The following ANKS1B variants were observed in gnomAD, a reference collection of about 807,000 sequenced individuals.
ANKS1B encodes the protein ankyrin repeat and sterile alpha motif domain-containing protein 1B.
ANKS1B carries 36 observed loss-of-function variants against 148.3 expected under a neutral mutation model. That is an observed-to-expected ratio of 0.24 (90% CI 0.19 to 0.32). ANKS1B has a LOEUF of 0.32. Among genes scored for constraint, ANKS1B ranks in the 10% least tolerant of loss-of-function variants. The probability of loss-of-function intolerance (pLI) is 1.00; values close to 1 mark genes in which losing one functional copy is unlikely to be tolerated. For synonymous variants in ANKS1B, 542 were observed against 560.8 expected, an observed-to-expected ratio of 0.97 and a Z score of 0.47; for missense variants, 1,157 against 1,542.6, an observed-to-expected ratio of 0.75 and a Z score of 4.19.
chr12:99,872,253 C>T (rs1814243687), intron 1 of ANKS1B, among the ~76,000 whole-genome samples: 1 of 152,008 alleles, frequency 6.6e-6, no homozygotes, highest in Non-Finnish European at 1.5e-5. Flanking sequence ...TATGTATGTG[C>T]ATGTGTGTGT....
intron 11 of ANKS1B, among the ~76,000 whole-genome samples, chr12:99,417,317 G>T (rs1414068706): frequency 6.6e-6 from 1 of 152,186 alleles, no homozygotes; most frequent in African/African-American, 2.4e-5. Flanking sequence ...TCCCTCCACT[G>T]AACTGCTTTT....
At chr12:99,101,005 A>G (rs766932245) in intron 15 of ANKS1B, among the ~76,000 whole-genome samples, 10 of 152,196 alleles carry the variant, frequency 6.6e-5, no homozygotes, top group Non-Finnish European at 1.5e-4. Context: ...GAAGCAAGAG[A>G]GAGAAGGCAC....
At chr12:99,366,164 G>C (rs1324482398) in intron 12 of ANKS1B, among the ~76,000 whole-genome samples, 1 of 152,186 alleles carries the variant, frequency 6.6e-6, no homozygotes, top group African/African-American at 2.4e-5. Flanking sequence ...AGAAGCACTT[G>C]TGCAAGACTG....
At chr12:99,248,046 T>C (rs948244731) in intron 12 of ANKS1B, among the ~76,000 whole-genome samples, 1 of 152,204 alleles carries the variant, frequency 6.6e-6, no homozygotes, top group African/African-American at 2.4e-5. Context: ...AGGCACTGAA[T>C]GAGGAATTAT....
At chr12:99,063,253 C>T (rs2043030241) in intron 16 of ANKS1B, among the ~76,000 whole-genome samples, 1 of 152,146 alleles carries the variant, frequency 6.6e-6, no homozygotes, top group South Asian at 2.1e-4. Context: ...TAGCTGATAT[C>T]GTCAGGTACT....
chr12:99,497,787 A>G (rs1383904428), intron 10 of ANKS1B, among the ~76,000 whole-genome samples: 1 of 151,924 alleles, frequency 6.6e-6, no homozygotes, highest in Non-Finnish European at 1.5e-5. Context: ...AATTCAATCT[A>G]TAACAGTCCC....
chr12:99,585,440 A>G (rs576272103), intron 9 of ANKS1B, among the ~76,000 whole-genome samples: 3 of 152,252 alleles, frequency 2.0e-5, no homozygotes, highest in Admixed American at 6.5e-5. Context: ...AGCATTGAGT[A>G]TCTGTGACTT....
chr12:99,975,811 A>C (rs918622422), intron 1 of ANKS1B, among the ~76,000 whole-genome samples: 6 of 152,220 alleles, frequency 3.9e-5, no homozygotes, highest in African/African-American at 1.4e-4. Flanking sequence ...CAAAGAACCT[A>C]AAATTGCTAC....
rs141980185 is a variant in ANKS1B, at chr12:98,828,042, A to T, written c.3066+1132T>A. 2.8e-3 allele frequency among the ~76,000 whole-genome samples: 420 copies of T among 152,340 alleles called. 3 individuals are homozygous for T. The highest frequency in any genetic ancestry group is 9.9e-3 in the African/African-American group (410 of 41,584). Reference sequence around the variant, plus strand: ...AAAGACAATACCTAGCAACAGAGAAAGATAAAATTATTCTTATTTCTCCTA... The same window carrying T: ...AAAGACAATACCTAGCAACAGAGAATGATAAAATTATTCTTATTTCTCCTA... On this transcript the variant is annotated intron_variant, in intron 19 of 26. Coordinates refer to ENST00000683438, the MANE Select transcript of ANKS1B (RefSeq NM_001352186.2).
chr12:99,130,396 G>A (rs1433805671), intron 15 of ANKS1B, among the ~76,000 whole-genome samples: 5 of 152,118 alleles, frequency 3.3e-5, no homozygotes, highest in Non-Finnish European at 7.4e-5. Flanking sequence ...TTTGTAAAAG[G>A]AATTTTTACT....
At chr12:98,881,890 G>A (rs1022148322) in intron 17 of ANKS1B, among the ~76,000 whole-genome samples, 5 of 152,076 alleles carry the variant, frequency 3.3e-5, no homozygotes, top group Admixed American at 1.3e-4. Context: ...TATGGAATAA[G>A]TATATACTTC....
intron 14 of ANKS1B, among the ~76,000 whole-genome samples, chr12:99,216,959 C>T (rs560497193): frequency 6.6e-6 from 1 of 152,184 alleles, no homozygotes; most frequent in South Asian, 2.1e-4. Flanking sequence ...TGTCTATTGT[C>T]TGAAATATGG....
At chr12:99,939,306 T>C (rs1224295749) in intron 1 of ANKS1B, among the ~76,000 whole-genome samples, 1 of 152,110 alleles carries the variant, frequency 6.6e-6, no homozygotes, top group Non-Finnish European at 1.5e-5. Flanking sequence ...CCCAGGCTGG[T>C]CTCAAACTCC....
chr12:99,142,718 G>C (rs2071390595), intron 15 of ANKS1B, among the ~76,000 whole-genome samples: 1 of 152,058 alleles, frequency 6.6e-6, no homozygotes, highest in South Asian at 2.1e-4. Context: ...GGAAGTCAAT[G>C]GATTGCATTT....
At chr12:98,871,031 ATTGAG>A (rs2099665542) in intron 17 of ANKS1B, among the ~76,000 whole-genome samples, 2 of 152,168 alleles carry the variant, frequency 1.3e-5, no homozygotes, top group African/African-American at 4.8e-5. Flanking sequence ...ACCTCTTTGA[ATTGAG>A]GTCAGGTCTT....
Position 98,751,561 on chromosome 12 carries a change from T to C in ANKS1B, c.3580-39A>G. The C allele has an allele frequency of 1.2e-6, 2 of 1,600,426 alleles. No individual in the cohort carries two copies. Among genetic ancestry groups the C allele is most frequent in the Non-Finnish European group, 1.7e-6 (2 of 1,169,760 alleles). ...GAGAAAGCATTTGCTACTGGCACAC[T>C]GCAAATTAGAATGGGTCGAATGGCT... On this transcript the variant is annotated intron_variant, in intron 25 of 26. Transcript: ENST00000683438. This position sits in a 1 kb window ranked among gnomAD's most constrained non-coding sequence, Gnocchi z 4.3.
At position 99,767,302 on chromosome 12, in the gene ANKS1B, C is replaced by T. The variant is rs567974987; in HGVS notation, c.1128+5620G>A. On this transcript the variant is annotated intron_variant, in intron 8 of 26. Transcript: ENST00000683438. ...TTCAAACCAAAAGCTTTAGATGCTG[C>T]TTGTGTCAAGAGAAAAAAATACATA... Among the ~76,000 whole-genome samples the T allele has an allele frequency of 6.6e-5, 10 of 152,168 alleles. 1 individual carries two copies. The East Asian group carries it at 1.4e-3, about 21-fold the overall frequency.
At chr12:99,526,234 A>G (rs2096925131) in intron 9 of ANKS1B, among the ~76,000 whole-genome samples, 1 of 152,110 alleles carries the variant, frequency 6.6e-6, no homozygotes, top group South Asian at 2.1e-4. Context: ...ATTGATGTAA[A>G]CCTCTTTCTG....
chr12:99,530,121 G>A (rs572924151), intron 9 of ANKS1B, among the ~76,000 whole-genome samples: 21 of 152,320 alleles, frequency 1.4e-4, no homozygotes, highest in African/African-American at 4.3e-4. Flanking sequence ...AGAAAAGCTT[G>A]TCCAGATTTG....
Sources: gnomAD v4.1 joint callset for allele counts (sites outside exome capture counted in the v4.1 genomes callset) on GRCh38, gnomAD v4.1.1 for gene constraint, Gnocchi (gnomAD v3.1) non-coding constraint, MANE v1.5 for transcripts, NCBI Gene and HGNC (gene_info 2026-07-23, HGNC 2026-07-21) for gene names.